CACNB4: variants seen among roughly 807,000 people sequenced by gnomAD.
The protein encoded by CACNB4 is calcium voltage-gated channel auxiliary subunit beta 4, also known as voltage-dependent L-type calcium channel subunit beta-4.
In CACNB4, 32 loss-of-function variants were observed where a neutral mutation model predicts 71.2. The ratio of observed to expected loss-of-function variants is 0.45; its 90% CI spans 0.34 to 0.60. The LOEUF is 0.60. Ranked by LOEUF, CACNB4 falls within the 20% of genes least tolerant of loss-of-function variation. The pLI is 0.01. For missense variants in CACNB4, 464 were observed against 647.9 expected (o/e 0.72, Z 3.08); for synonymous variants, 231 against 236.9 (o/e 0.97, Z 0.23).
In CACNB4 at chr2:151,872,464, A is replaced by G; in HGVS notation, c.551T>C (p.Leu184Pro). 1 of 1,603,168 alleles carries G rather than the reference A, an allele frequency of 6.2e-7. No homozygotes were observed. Among genetic ancestry groups the G allele is most frequent in the East Asian group, 2.2e-5 (1 of 44,776 alleles). ...GKSSGNSSSSLGEMVSGTFRA... is the reference protein window; with the variant it reads ...GKSSGNSSSSPGEMVSGTFRA... ...GAATGTCCCAGATACCATTTCTCCAAGACTTGAAGAAGAATTTCCACTTGA... is the reference window on the plus strand; with the variant it reads ...GAATGTCCCAGATACCATTTCTCCAGGACTTGAAGAAGAATTTCCACTTGA... The change falls in exon 6 of 14, where the codon CTT becomes CCT. Residue 184 changes from leucine to proline, a missense_variant. Coordinates refer to ENST00000539935, the MANE Select transcript of CACNB4 (RefSeq NM_000726.5).
intron 2 of CACNB4, among the ~76,000 whole-genome samples, chr2:151,932,614 G>A (rs747330976): frequency 1.3e-4 from 20 of 152,074 alleles, no homozygotes; most frequent in Middle Eastern, 6.8e-3. Flanking sequence ...AACCAGTATT[G>A]GTGTCTATTA....
rs149022087 is a variant in CACNB4, at chr2:151,905,384, C to T, written c.148-22014G>A. Among the ~76,000 whole-genome samples, 483 of 152,306 alleles carry T rather than the reference C, an allele frequency of 3.2e-3. 4 individuals carry two copies. Among genetic ancestry groups the T allele is most frequent in the Non-Finnish European group, 4.5e-3 (308 of 68,032 alleles). On this transcript the variant is annotated intron_variant, in intron 2 of 13. Transcript: ENST00000539935. ...CCCTAAAACACATCTTCCCGATGTG[C>T]ACTCATCTTTCGAACTAAAAATCCA...
intron 2 of CACNB4, among the ~76,000 whole-genome samples, chr2:151,910,520 T>C (rs1381461486): frequency 6.6e-6 from 1 of 152,350 alleles, no homozygotes; most frequent in East Asian, 1.9e-4. Context: ...TTTCTGCATA[T>C]GGCTAGCTAG....
At chr2:152,009,020 G>C (rs1560128296) in intron 2 of CACNB4, among the ~76,000 whole-genome samples, 1 of 151,960 alleles carries the variant, frequency 6.6e-6, no homozygotes, top group Non-Finnish European at 1.5e-5. Context: ...CCACCATCAG[G>C]CCTTTATCAA....
At chr2:151,870,397 C>T (rs991811629) in intron 8 of CACNB4, 134 bp downstream of exon 8, 1 of 743,268 alleles carries the variant, frequency 1.3e-6, no homozygotes, top group Non-Finnish European at 2.4e-6. Flanking sequence ...CACACGGTAC[C>T]CCCTGCCTTC....
chr2:151,848,976 A>C (rs570193774), intron 12 of CACNB4, among the ~76,000 whole-genome samples: 51 of 152,300 alleles, frequency 3.3e-4, no homozygotes, highest in Non-Finnish European at 6.2e-4. Context: ...TAGATGTATA[A>C]TGGCAATACA....
intron 2 of CACNB4, among the ~76,000 whole-genome samples, chr2:151,941,816 G>A (rs563399846): frequency 6.6e-6 from 1 of 152,236 alleles, no homozygotes; most frequent in Non-Finnish European, 1.5e-5. Flanking sequence ...AAAAATTAAT[G>A]CCTAGAATTA....
chr2:151,948,603 G>T lies in CACNB4; in HGVS notation c.148-65233C>A, dbSNP rs192987042. Among the ~76,000 whole-genome samples the T allele has an allele frequency of 3.9e-3, 596 of 152,230 alleles. 5 individuals carry two copies. Among genetic ancestry groups the T allele is most frequent in the South Asian group, 0.01 (49 of 4,814 alleles). On this transcript the variant is annotated intron_variant, in intron 2 of 13. Transcript: ENST00000539935. ...CTGAGCCTAGCAAGTCCAGGCTGCA[G>T]TGAGCCAAGATCGTGCCACTGCACT...
At chr2:151,839,963 G>A (rs1308139152) in intron 13 of CACNB4, among the ~76,000 whole-genome samples, 2 of 152,144 alleles carry the variant, frequency 1.3e-5, no homozygotes, top group African/African-American at 4.8e-5. Flanking sequence ...CCAGCTAATT[G>A]ATACATTTAT....
At chr2:151,911,302 T>A (rs1275546156) in intron 2 of CACNB4, among the ~76,000 whole-genome samples, 1 of 152,168 alleles carries the variant, frequency 6.6e-6, no homozygotes, top group Admixed American at 6.5e-5. Flanking sequence ...TTTCTTTCTC[T>A]TGCCTGATTG....
At chr2:152,067,980 A>G (rs777654951) in intron 2 of CACNB4, among the ~76,000 whole-genome samples, 3 of 152,212 alleles carry the variant, frequency 2.0e-5, no homozygotes, top group Non-Finnish European at 4.4e-5. Flanking sequence ...CTCAAAGAGG[A>G]TTGTGAAAGG....
chr2:151,883,518 CA>C, intron 2 of CACNB4, 148 bp from the exon 3 acceptor site: 1 of 730,730 alleles, frequency 1.4e-6, no homozygotes. Context: ...ATTTAGATGG[CA>C]GAATATAGTT....
rs1026568537 is a variant in CACNB4, at chr2:151,837,818, T to C, written c.*1301A>G. ...GGCAGCTCAATCTCCAAATTCTTTA[T>C]AATTTTCTGCATTAAAAATGCTATA... is the stretch of plus-strand genomic sequence containing the variant. On this transcript the variant is annotated 3_prime_UTR_variant, in exon 14 of 14. Transcript: ENST00000539935. The C allele has an allele frequency of 3.3e-5, 5 of 152,192 alleles. No homozygotes were observed. The highest frequency in any genetic ancestry group is 5.9e-5 in the Non-Finnish European group (4 of 68,000). 9.4% of individuals were successfully genotyped at this position (152,192 alleles called of 1,614,324 possible). A position where few individuals can be genotyped will look rare whatever the true frequency, so the allele number is the denominator to read the frequency against.
intron 2 of CACNB4, among the ~76,000 whole-genome samples, chr2:151,887,080 AG>A (rs2099849541): frequency 6.8e-6 from 1 of 147,470 alleles, no homozygotes; most frequent in African/African-American, 2.7e-5. Context: ...ATGATCAAAA[AG>A]AGAGAGAGAT....
Position 151,881,699 on chromosome 2 carries a change from G to T in CACNB4, c.268-777C>A, listed in dbSNP as rs77619927. The stretch of plus-strand genomic sequence containing the variant: ...GATTCCTGATATTCTGAGCTGCTTT[G>T]TTACCAGCTTATGTATTTGTGCTGG... On this transcript the variant is annotated intron_variant, in intron 3 of 13. Coordinates refer to ENST00000539935, the MANE Select transcript of CACNB4 (RefSeq NM_000726.5). 9.8e-3 allele frequency among the ~76,000 whole-genome samples: 1,498 copies of T among 152,238 alleles called. 25 individuals carry two copies. The highest frequency in any genetic ancestry group is 0.033 in the African/African-American group (1,364 of 41,522).
At chr2:151,999,357 G>C (rs1454323377) in intron 2 of CACNB4, among the ~76,000 whole-genome samples, 1 of 143,718 alleles carries the variant, frequency 7.0e-6, no homozygotes, top group Non-Finnish European at 1.5e-5. Flanking sequence ...ACCTTATTCT[G>C]TCTGCCCGCC....
chr2:152,077,107 G>A (rs1419679054), intron 2 of CACNB4, among the ~76,000 whole-genome samples: 4 of 152,292 alleles, frequency 2.6e-5, no homozygotes, highest in East Asian at 1.9e-4. Flanking sequence ...CTGGAGGCAG[G>A]ACTAATCTTG....
chr2:152,037,495 C>A (rs981366943), intron 2 of CACNB4, among the ~76,000 whole-genome samples: 1 of 152,200 alleles, frequency 6.6e-6, no homozygotes, highest in African/African-American at 2.4e-5. Flanking sequence ...CAAATGCTTA[C>A]GTATCTGACT....
intron 2 of CACNB4, among the ~76,000 whole-genome samples, chr2:151,904,004 AAAG>A (rs1455361517): frequency 6.6e-6 from 1 of 152,216 alleles, no homozygotes; most frequent in Non-Finnish European, 1.5e-5. Context: ...AAGGGCAAAA[AAAG>A]AAGGATGGGA....
Sources: allele counts gnomAD v4.1 joint callset (sites outside exome capture counted in the v4.1 genomes callset), GRCh38; gene constraint gnomAD v4.1.1; transcripts MANE v1.5; gene names NCBI Gene and HGNC (gene_info 2026-07-23, HGNC 2026-07-21).